Variants in APBB3 observed in about 807,000 individuals in gnomAD.
APBB3 encodes the protein amyloid-beta A4 precursor protein-binding family B member 3.
In APBB3, 50 loss-of-function variants were observed where a neutral mutation model predicts 61.5. That is an observed-to-expected ratio of 0.81 (90% CI 0.65 to 1.03). The LOEUF (loss-of-function observed/expected upper bound fraction) is 1.03, where lower values mean the gene tolerates loss of function less well. Ranked by LOEUF, APBB3 falls within the 50% of genes least tolerant of loss-of-function variation. The pLI is 0.00. For missense variants in APBB3, 550 were observed against 637.4 expected (o/e 0.86, Z 1.48); for synonymous variants, 235 against 233.0 (o/e 1.01, Z -0.08).
At position 140,560,282 on chromosome 5, in the gene APBB3, T is replaced by TGCCC; in HGVS notation, c.1224+30_1224+31insGGGC. On this transcript the variant is annotated intron_variant, in intron 12 of 12. Transcript: ENST00000357560. The surrounding 1 kb of genome is among the most constrained non-coding windows in gnomAD (Gnocchi z 5.1). ...ACAGTGGAGAGCAGCTGCAGGGCAA[T>TGCCC]CCCACCAACCCATTCCCACCCATGA... 2 of 1,596,700 alleles carry TGCCC rather than the reference T, an allele frequency of 1.3e-6. No homozygotes were observed. Among genetic ancestry groups the TGCCC allele is most frequent in the African/African-American group, 2.7e-5 (2 of 73,676 alleles).
rs1018939171 is a variant in APBB3, at chr5:140,563,596, C to G, written c.288G>C (p.Arg96=). The G allele has an allele frequency of 1.1e-5, 18 of 1,614,092 alleles. No homozygotes were observed. Among genetic ancestry groups the G allele is most frequent in the Non-Finnish European group, 8.5e-7 (1 of 1,180,056 alleles). ...SFSSLESSLD[R]SNSLSWYGGE... is the part of the protein sequence containing the mutation. Reference sequence around the variant, plus strand: ...ATTTTGCCTGGGCCACCCGTTACCTCCGGTCCAGTGAACTCTCCAGGCTGG... The same window carrying G: ...ATTTTGCCTGGGCCACCCGTTACCTGCGGTCCAGTGAACTCTCCAGGCTGG... The change falls in exon 3 of 13, where the codon CGG becomes CGC. Residue 96 remains arginine (R), a splice_region_variant and synonymous_variant. Transcript: ENST00000357560.
intron 3 of APBB3, 158 bp from the exon 4 acceptor site, chr5:140,562,881 G>GT (rs1278563689): frequency 3.9e-5 from 25 of 649,046 alleles, no homozygotes; most frequent in Non-Finnish European, 6.1e-5. Context: ...ACATATTAAC[G>GT]TAACATAAAG....
chr5:140,562,207 G>T lies in APBB3; in HGVS notation c.519C>A (p.Ile173=), dbSNP rs147739115. The T allele has an allele frequency of 6.2e-7, 1 of 1,614,172 alleles. No homozygotes were observed. ...AWGEGQNMLM[I]LKKDAMSLVN... ...CTAGGCTCATGGCATCCTTCTTCAGGATCATCAGCATGTTCTGGCCCTGCC... is the reference window on the plus strand; with the variant it reads ...CTAGGCTCATGGCATCCTTCTTCAGTATCATCAGCATGTTCTGGCCCTGCC... Residue 173 remains isoleucine (I), a synonymous_variant, in exon 6 of 13, where the codon ATC becomes ATA. Coordinates refer to ENST00000357560, the MANE Select transcript of APBB3 (RefSeq NM_133173.3).
chr5:140,558,421 A>C lies in APBB3; in HGVS notation c.*164T>G. Reference sequence around the variant, plus strand: ...CGTTGTGGTGCAGTGCCTCCCAGTCATCCGTATAAACAATAAATTGGGCAA... The same window carrying C: ...CGTTGTGGTGCAGTGCCTCCCAGTCCTCCGTATAAACAATAAATTGGGCAA... On this transcript the variant is annotated 3_prime_UTR_variant, in exon 13 of 13. Coordinates refer to ENST00000357560, the MANE Select transcript of APBB3 (RefSeq NM_133173.3). 1 of 796,956 alleles carries C rather than the reference A, an allele frequency of 1.3e-6. No individual in the cohort carries two copies. Among genetic ancestry groups the C allele is most frequent in the Non-Finnish European group, 2.2e-6 (1 of 460,926 alleles). The allele number at this position is 796,956 out of a possible 1,614,324, so 49.4% of individuals were successfully genotyped here.
rs981133997 is a variant in APBB3, at chr5:140,563,757, C to G, written c.208G>C (p.Gly70Arg). Residue 70 changes from glycine (G) to arginine (R), a missense_variant, in exon 2 of 13, where the codon GGC (glycine) becomes CGC (arginine). By Grantham distance (125) the Gly-to-Arg change is moderately radical. Around this residue, in one of 3 missense-constraint regions of APBB3, gnomAD observed 405 missense variants for 483.4 expected, o/e 0.84. Coordinates refer to ENST00000357560, the MANE Select transcript of APBB3 (RefSeq NM_133173.3). ...CCTCCTCACACTCTACCTACCGTGCCTGGGTCCTCTGCATCTCCTAGTTCC... is the reference window on the plus strand; with the variant it reads ...CCTCCTCACACTCTACCTACCGTGCGTGGGTCCTCTGCATCTCCTAGTTCC... ...TWELGDAEDP[G>R]TGTEGIWGLR... is the part of the protein sequence containing the mutation. 5 of 1,614,050 alleles carry G rather than the reference C, an allele frequency of 3.1e-6. No homozygotes were observed. The highest frequency in any genetic ancestry group is 4.2e-6 in the Non-Finnish European group (5 of 1,180,020).
At position 140,562,176 on chromosome 5, in the gene APBB3, G is replaced by A; in HGVS notation, c.550C>T (p.Pro184Ser). 1 of 1,614,180 alleles carries A rather than the reference G, an allele frequency of 6.2e-7. No homozygotes were observed. The highest frequency in any genetic ancestry group is 8.5e-7 in the Non-Finnish European group (1 of 1,180,028). Reference sequence around the variant, plus strand: ...CAGTGGATCAGACTGTGGTCCAGGGGATTCACTAGGCTCATGGCATCCTTC... The same window carrying A: ...CAGTGGATCAGACTGTGGTCCAGGGAATTCACTAGGCTCATGGCATCCTTC... ...LKKDAMSLVN[P>S]LDHSLIHCQP... The change falls in exon 6 of 13, where the codon CCC becomes TCC. Residue 184 changes from proline to serine, a missense_variant. By Grantham distance (74) the Pro-to-Ser change is moderately conservative. Transcript: ENST00000357560.
chr5:140,563,508 G>C, intron 3 of APBB3, 86 bp downstream of exon 3: 3 of 1,504,070 alleles, frequency 2.0e-6, no homozygotes, highest in Non-Finnish European at 1.8e-6. Flanking sequence ...TCCAGAACCT[G>C]GGCTGGAAAG....
At chr5:140,563,308 G>A in intron 3 of APBB3, 1 of 478,624 alleles carries the variant, frequency 2.1e-6, no homozygotes. Context: ...GAACCCCAAA[G>A]TGGGACAAGA....
Position 140,564,453 on chromosome 5 carries a change from C to A in APBB3, c.-208G>T. 1.7e-6 allele frequency: 1 copy of A among 597,986 alleles called. No homozygotes were observed. The highest frequency in any genetic ancestry group is 2.1e-5 in the South Asian group (1 of 47,954). The allele number at this position is 597,986 out of a possible 1,614,324, so 37.0% of individuals were successfully genotyped here. ...CCGCACAGCCCGCCCAGGGGTGGTG[C>A]GTGTAAACGGGCGTCTGGATCCCCG... On this transcript the variant is annotated 5_prime_UTR_variant, in exon 1 of 13. Transcript: ENST00000357560. The surrounding 1 kb of genome is among the most constrained non-coding windows in gnomAD (Gnocchi z 5.0).
chr5:140,561,605 T>G lies in APBB3; in HGVS notation c.729A>C (p.Leu243=). Residue 243 remains leucine (L), a synonymous_variant, in exon 8 of 13, where the codon CTA becomes CTC. Coordinates refer to ENST00000357560, the MANE Select transcript of APBB3 (RefSeq NM_133173.3). ...CACTTACCTGGGCACAAAGCCCATG[T>G]AGGGCACTGGCAATGGCCTTGGCAG... ...DVPAKAIASA[L]HGLCAQILSE... 3 of 1,614,208 alleles carry G rather than the reference T, an allele frequency of 1.9e-6. No homozygotes were observed. The highest frequency in any genetic ancestry group is 2.5e-6 in the Non-Finnish European group (3 of 1,180,032).
rs148009989 is a variant in APBB3 at position 140,560,344 on chromosome 5, C to A, written c.1193G>T (p.Gly398Val). 1 of 1,613,520 alleles carries A rather than the reference C, an allele frequency of 6.2e-7. No individual in the cohort carries two copies. The highest frequency in any genetic ancestry group is 8.5e-7 in the Non-Finnish European group (1 of 1,180,014). ...AAFWCQPHAG[G>V]LSEAVQAACM... is the part of the protein sequence containing the mutation. ...GGCAGCCTGCACAGCTTCAGAGAGT[C>A]CCCCTGCATGGGGCTGGCACCAGAA... Residue 398 changes from glycine to valine, a missense_variant, in exon 12 of 13, where the codon GGA becomes GTA. Gly to Val is a moderately radical substitution (Grantham distance 109). Transcript: ENST00000357560. This position sits in a 1 kb window ranked among gnomAD's most constrained non-coding sequence, Gnocchi z 5.1.
In APBB3 at chr5:140,561,437, G is replaced by T; in HGVS notation, c.760C>A (p.Arg254=). 1 of 1,614,162 alleles carries T rather than the reference G, an allele frequency of 6.2e-7. No homozygotes were observed. Among genetic ancestry groups the T allele is most frequent in the Non-Finnish European group, 8.5e-7 (1 of 1,180,040 alleles). ...HGLCAQILSE[R]VEVSGDASCC... Reference sequence around the variant, plus strand: ...GAGGCATCACCACTGACCTCTACTCGCTCTGACAAGATCTAAAACACAATG... The same window carrying T: ...GAGGCATCACCACTGACCTCTACTCTCTCTGACAAGATCTAAAACACAATG... The change falls in exon 9 of 13, where the codon CGA becomes AGA. Residue 254 remains arginine (R), a synonymous_variant. Transcript: ENST00000357560.
rs1754820750 is a variant in APBB3 at position 140,558,816 on chromosome 5, C to G, written c.1230G>C (p.Gln410His). The G allele has an allele frequency of 1.2e-6, 2 of 1,612,368 alleles. No individual in the cohort carries two copies. The highest frequency in any genetic ancestry group is 8.5e-7 in the Non-Finnish European group (1 of 1,179,726). The change falls in exon 13 of 13, where the codon CAG becomes CAC. Residue 410 changes from glutamine to histidine, a missense_variant. Coordinates refer to ENST00000357560, the MANE Select transcript of APBB3 (RefSeq NM_133173.3). ...SEAVQAACMV[Q>H]YQKCLVASAA... Reference sequence around the variant, plus strand: ...CAGAGGCCACAAGACACTTCTGGTACTGAACCTAGGGAGAAGGGGAATGTG... The same window carrying G: ...CAGAGGCCACAAGACACTTCTGGTAGTGAACCTAGGGAGAAGGGGAATGTG...
Position 140,564,315 on chromosome 5 carries a change from G to A in APBB3, c.-70C>T, listed in dbSNP as rs1367172477. On this transcript the variant is annotated 5_prime_UTR_variant, in exon 1 of 13. Transcript: ENST00000357560. This position sits in a 1 kb window ranked among gnomAD's most constrained non-coding sequence, Gnocchi z 5.0. ...GCCCAGCGCGACCTCTGGAGCTACT[G>A]CGCCTGCAAGCCCAGCCTCTCTGCG... The A allele has an allele frequency of 9.6e-6, 15 of 1,570,550 alleles. No individual in the cohort carries two copies. The highest frequency in any genetic ancestry group is 1.7e-5 in the Admixed American group (1 of 58,400).
rs1755105958 is a variant in APBB3 at position 140,564,219 on chromosome 5, G to A, written c.27C>T (p.Ala9=). The A allele has an allele frequency of 2.5e-6, 4 of 1,613,594 alleles. No individual in the cohort carries two copies. The highest frequency in any genetic ancestry group is 3.4e-6 in the Non-Finnish European group (4 of 1,180,024). The part of the protein sequence containing the change: MLGKDYML[A]IILVNCDDDL... ...CACCATCGCAGTTGACCAGAATGAT[G>A]GCCAGCATGTAATCCTTGCCCAGCA... is the stretch of plus-strand genomic sequence containing the variant. The change falls in exon 1 of 13, where the codon GCC becomes GCT. Residue 9 remains alanine (A), a synonymous_variant. Coordinates refer to ENST00000357560, the MANE Select transcript of APBB3 (RefSeq NM_133173.3). This position sits in a 1 kb window ranked among gnomAD's most constrained non-coding sequence, Gnocchi z 5.0.
chr5:140,559,311 CCAATG>C (rs1037560105), intron 12 of APBB3, among the ~76,000 whole-genome samples: 1 of 152,142 alleles, frequency 6.6e-6, no homozygotes, highest in African/African-American at 2.4e-5. Context: ...AACTCCAGCC[CCAATG>C]CAACTGCTCC....
Position 140,560,818 on chromosome 5 carries a change from C to A in APBB3, c.917-64G>T. 6.7e-7 allele frequency: 1 copy of A among 1,492,288 alleles called. No individual in the cohort carries two copies. Among genetic ancestry groups the A allele is most frequent in the Non-Finnish European group, 9.3e-7 (1 of 1,073,632 alleles). 92.4% of individuals were successfully genotyped at this position (1,492,288 alleles called of 1,614,324 possible). A position where few individuals can be genotyped will look rare whatever the true frequency, so the allele number is the denominator to read the frequency against. On this transcript the variant is annotated intron_variant, in intron 10 of 12. Coordinates refer to ENST00000357560, the MANE Select transcript of APBB3 (RefSeq NM_133173.3). This position sits in a 1 kb window ranked among gnomAD's most constrained non-coding sequence, Gnocchi z 5.1. ...AAAGAGTCTGCAGGGAGTGTCTAGC[C>A]CCCTCTCACTGATTTGGGATTCAGA...
chr5:140,560,344 C>G lies in APBB3; in HGVS notation c.1193G>C (p.Gly398Ala). The G allele has an allele frequency of 6.2e-7, 1 of 1,613,520 alleles. No individual in the cohort carries two copies. Among genetic ancestry groups the G allele is most frequent in the Non-Finnish European group, 8.5e-7 (1 of 1,180,014 alleles). ...AAFWCQPHAG[G>A]LSEAVQAACM... ...GGCAGCCTGCACAGCTTCAGAGAGT[C>G]CCCCTGCATGGGGCTGGCACCAGAA... Residue 398 changes from glycine to alanine, a missense_variant, in exon 12 of 13, where the codon GGA becomes GCA. Gly to Ala is a moderately conservative substitution (Grantham distance 60, BLOSUM62 0). Around this residue, in one of 3 missense-constraint regions of APBB3, gnomAD observed 138 missense variants for 132.6 expected, o/e 1.04. Transcript: ENST00000357560. This position sits in a 1 kb window ranked among gnomAD's most constrained non-coding sequence, Gnocchi z 5.1.
At position 140,560,454 on chromosome 5, in the gene APBB3, A is replaced by G. The variant is rs777120105; in HGVS notation, c.1083T>C (p.Leu361=). The G allele has an allele frequency of 4.3e-6, 7 of 1,614,040 alleles. No homozygotes were observed. The highest frequency in any genetic ancestry group is 1.7e-5 in the Admixed American group (1 of 60,002). The change falls in exon 12 of 13, where the codon CTT becomes CTC. Residue 361 remains leucine (L), a synonymous_variant. Transcript: ENST00000357560. The surrounding 1 kb of genome is among the most constrained non-coding windows in gnomAD (Gnocchi z 5.1). The part of the protein sequence containing the change: ...EEPLWQCPVR[L]VTFIGVGRDP... The stretch of plus-strand genomic sequence containing the variant: ...CGCGGCCAACACCAATAAATGTCAC[A>G]AGGCGCACAGGGCACTGCCACAATG...
Sources: gnomAD v4.1 joint callset for allele counts (sites outside exome capture counted in the v4.1 genomes callset) on GRCh38, gnomAD v4.1.1 for gene constraint, gnomAD v4.1.1 regional missense constraint, Gnocchi (gnomAD v3.1) non-coding constraint, MANE v1.5 for transcripts, NCBI Gene and HGNC (gene_info 2026-07-23, HGNC 2026-07-21) for gene names.